Variants in ST7L observed in about 807,000 individuals in gnomAD.
ST7L encodes the protein suppression of tumorigenicity 7 like.
A neutral mutation model predicts 72.5 loss-of-function variants in ST7L; 57 were observed. The ratio of observed to expected loss-of-function variants is 0.79; its 90% confidence interval spans 0.64 to 0.98. The LOEUF is 0.98. Ranked by LOEUF, ST7L falls within the 50% of genes least tolerant of loss-of-function variation. The pLI is 0.00. For missense variants in ST7L, 576 were observed against 672.2 expected (o/e 0.86, Z 1.58); for synonymous variants, 221 against 240.9 (o/e 0.92, Z 0.77).
intron 3 of ST7L, among the ~76,000 whole-genome samples, chr1:112,609,011 G>A (rs897888316): frequency 1.2e-4 from 19 of 152,106 alleles, no homozygotes; most frequent in African/African-American, 4.6e-4. Flanking sequence ...ACCTATCCCA[G>A]TGAAAGGAAC....
At chr1:112,575,624 C>G (rs1050628756) in intron 11 of ST7L, among the ~76,000 whole-genome samples, 1 of 152,024 alleles carries the variant, frequency 6.6e-6, no homozygotes, top group East Asian at 1.9e-4. Context: ...CATGTACTAG[C>G]CTGGATGGAG....
chr1:112,541,010 C>T, intron 14 of ST7L: 1 of 479,830 alleles, frequency 2.1e-6, no homozygotes, highest in East Asian at 7.2e-5. Context: ...AGTTGCTGGG[C>T]ATGGCGGCTC....
chr1:112,552,341 A>T (rs1326526703), intron 12 of ST7L, among the ~76,000 whole-genome samples: 1 of 152,138 alleles, frequency 6.6e-6, no homozygotes, highest in Non-Finnish European at 1.5e-5. Flanking sequence ...CAAAATTGCG[A>T]TAAGGTTTTT....
chr1:112,517,967 A>G, the ST7L span: 6 of 153,402 alleles, frequency 3.9e-5, no homozygotes, highest in Admixed American at 3.9e-4. Context: ...TCCCAGGGAC[A>G]GAGAACAGAC....
In ST7L at chr1:112,611,100, A is replaced by G. The variant is rs988014455; in HGVS notation, c.289-97T>C. 7 of 1,179,368 alleles carry G rather than the reference A, an allele frequency of 5.9e-6. No individual in the cohort carries two copies. In the African/African-American group the frequency reaches 9.4e-5, roughly 16 times the overall value. The allele number at this position is 1,179,368 out of a possible 1,614,324, so 73.1% of individuals were successfully genotyped here. On this transcript the variant is annotated intron_variant, in intron 2 of 14. Coordinates refer to ENST00000358039, the MANE Select transcript of ST7L (RefSeq NM_017744.5). ...CTCAAGATGTCCTGTTCAATTCAGC[A>G]TTTTAAATGCACTCTCCTTTCAAAA...
intron 11 of ST7L, among the ~76,000 whole-genome samples, chr1:112,570,369 C>T (rs1308031418): frequency 2.6e-5 from 4 of 151,968 alleles, no homozygotes; most frequent in Non-Finnish European, 5.9e-5. Flanking sequence ...CTCTATTGCA[C>T]TTCTAATAGT....
intron 5 of ST7L, among the ~76,000 whole-genome samples, chr1:112,594,571 A>T (rs1666161327): frequency 6.6e-6 from 1 of 152,246 alleles, no homozygotes; most frequent in Non-Finnish European, 1.5e-5. Flanking sequence ...AGCAAGGAGT[A>T]ATAAAGGTAG....
intron 9 of ST7L, among the ~76,000 whole-genome samples, chr1:112,580,899 G>A (rs887122131): frequency 3.9e-5 from 6 of 152,272 alleles, no homozygotes; most frequent in East Asian, 3.9e-4. Flanking sequence ...CTGCACTCCC[G>A]CCCAGGCGAC....
At chr1:112,519,872 C>CTTT (rs71081244), downstream of ST7L, among the ~76,000 whole-genome samples, 34 of 115,626 alleles carry the variant, frequency 2.9e-4, no homozygotes, top group African/African-American at 7.6e-4. Flanking sequence ...GCCCATGCTT[C>CTTT]TTTTTTTTTT....
intron 11 of ST7L, among the ~76,000 whole-genome samples, chr1:112,558,352 C>T (rs1571006260): frequency 6.6e-6 from 1 of 152,162 alleles, no homozygotes; most frequent in East Asian, 1.9e-4. Context: ...CTTTGTAAAA[C>T]TGCTACAAGC....
intron 14 of ST7L, chr1:112,540,029 T>C (rs1655852410): frequency 1.0e-6 from 1 of 985,276 alleles, no homozygotes; most frequent in Non-Finnish European, 1.2e-6. Context: ...CAGTCTCTAC[T>C]AGAGGAGTGC....
chr1:112,609,333 A>C (rs993511266), intron 3 of ST7L, among the ~76,000 whole-genome samples: 1 of 151,848 alleles, frequency 6.6e-6, no homozygotes. Context: ...GGAGTTCAAG[A>C]CCAGCCTGGC....
At chr1:112,617,520 T>C (rs1670057099) in intron 1 of ST7L, among the ~76,000 whole-genome samples, 1 of 152,132 alleles carries the variant, frequency 6.6e-6, no homozygotes, top group African/African-American at 2.4e-5. Flanking sequence ...AAGACCAGCC[T>C]GGGCAAATAA....
At chr1:112,590,220 A>G (rs1044335610) in intron 6 of ST7L, among the ~76,000 whole-genome samples, 4 of 152,190 alleles carry the variant, frequency 2.6e-5, no homozygotes, top group African/African-American at 9.7e-5. Flanking sequence ...CTTTGAAAAT[A>G]AGGTCCATTC....
At chr1:112,558,345 T>G (rs190481144) in intron 11 of ST7L, among the ~76,000 whole-genome samples, 3 of 152,304 alleles carry the variant, frequency 2.0e-5, no homozygotes, top group Admixed American at 6.5e-5. Context: ...TGAAACACTT[T>G]GTAAAACTGC....
chr1:112,559,049 T>A (rs981387326), intron 11 of ST7L, among the ~76,000 whole-genome samples: 2 of 152,232 alleles, frequency 1.3e-5, no homozygotes, highest in Non-Finnish European at 2.9e-5. Flanking sequence ...AAATTCTGTT[T>A]CATTTCACAG....
intron 11 of ST7L, among the ~76,000 whole-genome samples, chr1:112,570,425 T>C (rs1661872221): frequency 6.6e-6 from 1 of 152,214 alleles, no homozygotes; most frequent in African/African-American, 2.4e-5. Flanking sequence ...CAGCCATTTC[T>C]GTTGTAGTTA....
At chr1:112,570,391 AC>A (rs1661864550) in intron 11 of ST7L, among the ~76,000 whole-genome samples, 1 of 152,128 alleles carries the variant, frequency 6.6e-6, no homozygotes, top group Admixed American at 6.6e-5. Context: ...TCCAGCTTTA[AC>A]AAATTGCACA....
downstream of ST7L, chr1:112,520,490 A>T (rs1463755288): frequency 6.2e-7 from 1 of 1,614,162 alleles, no homozygotes; most frequent in South Asian, 1.1e-5. Flanking sequence ...AAGAAGGCAG[A>T]GTGGCTGGAC....
Sources: gnomAD v4.1 joint callset for allele counts (sites outside exome capture counted in the v4.1 genomes callset) on GRCh38, gnomAD v4.1.1 for gene constraint, MANE v1.5 for transcripts, NCBI Gene and HGNC (gene_info 2026-07-23, HGNC 2026-07-21) for gene names.